Variants in PCDH11X observed in about 807,000 individuals in gnomAD.
PCDH11X encodes protocadherin-11 X-linked.
Under a neutral mutation model 53.3 loss-of-function variants are expected in PCDH11X, and 18 were observed. The observed-to-expected ratio is 0.34, with a 90% CI of 0.23 to 0.50. The LOEUF (loss-of-function observed/expected upper bound fraction) is 0.50. Among genes scored for constraint, PCDH11X ranks in the 20% least tolerant of loss-of-function variants. The pLI is 0.98. For missense variants in PCDH11X, 570 were observed against 1,032.4 expected (o/e 0.55, Z 6.14); for synonymous variants, 279 against 393.3 (o/e 0.71, Z 3.44).
intron 8 of PCDH11X, among the ~76,000 whole-genome samples, chrX:92,278,479 G>C (rs1229310842): frequency 9.0e-6 from 1 of 111,276 alleles, no homozygotes; most frequent in Non-Finnish European, 1.9e-5. Flanking sequence ...AAGGGAGATA[G>C]GGATGGGGCC....
chrX:92,205,175 G>A (rs890354978), intron 7 of PCDH11X, among the ~76,000 whole-genome samples: 2 of 111,963 alleles, frequency 1.8e-5, no homozygotes, highest in African/African-American at 6.5e-5. Context: ...GCAGTTGGAA[G>A]CAAAATGGGG....
At chrX:92,212,280 G>A (rs2066605293) in intron 7 of PCDH11X, among the ~76,000 whole-genome samples, 1 of 110,835 alleles carries the variant, frequency 9.0e-6, no homozygotes, top group Non-Finnish European at 1.9e-5. Context: ...CCAAAGTGCT[G>A]GGATTACAGA....
At chrX:91,783,256 C>T (rs1935222471) in intron 1 of PCDH11X, among the ~76,000 whole-genome samples, 1 of 111,084 alleles carries the variant, frequency 9.0e-6, no homozygotes, top group African/African-American at 3.3e-5. Flanking sequence ...AAACTCCGAC[C>T]AAGCATAAAA....
chrX:92,351,477 T>C (rs1011185696), intron 8 of PCDH11X, among the ~76,000 whole-genome samples: 11 of 111,606 alleles, frequency 9.9e-5, no homozygotes, highest in Non-Finnish European at 1.5e-4. Context: ...ATATTTACAT[T>C]GAATAATTTT....
intron 7 of PCDH11X, among the ~76,000 whole-genome samples, chrX:92,210,412 TG>T (rs1314569576): frequency 9.3e-6 from 1 of 107,809 alleles, no homozygotes; most frequent in African/African-American, 3.4e-5. Flanking sequence ...CTAATTTTTT[TG>T]TATTTTTAAT....
intron 7 of PCDH11X, among the ~76,000 whole-genome samples, chrX:92,219,297 T>C (rs377477782): frequency 1.8e-5 from 2 of 110,326 alleles, no homozygotes; most frequent in South Asian, 3.9e-4. Flanking sequence ...TCTAGAAAAC[T>C]CCATTGTCTC....
At chrX:92,429,881 G>T (rs1479658938) in intron 9 of PCDH11X, among the ~76,000 whole-genome samples, 2 of 102,205 alleles carry the variant, frequency 2.0e-5, no homozygotes. Context: ...CTAGTATGTT[G>T]TTAAACAACA....
chrX:91,893,470 G>T (rs1429605540), intron 6 of PCDH11X, among the ~76,000 whole-genome samples: 1 of 108,051 alleles, frequency 9.3e-6, no homozygotes, highest in African/African-American at 3.3e-5. Context: ...CTCAGTGTGT[G>T]ATTTCTTCAA....
intron 6 of PCDH11X, among the ~76,000 whole-genome samples, chrX:92,085,971 TA>T (rs1324980812): frequency 8.9e-6 from 1 of 111,936 alleles, no homozygotes; most frequent in Non-Finnish European, 1.9e-5. Context: ...AAAGACAATG[TA>T]AAATAGCTCA....
intron 6 of PCDH11X, among the ~76,000 whole-genome samples, chrX:92,195,286 T>C (rs1460327256): frequency 9.0e-6 from 1 of 110,975 alleles, no homozygotes; most frequent in Admixed American, 9.6e-5. Context: ...GAACACACAC[T>C]TGACTTGATG....
intron 6 of PCDH11X, among the ~76,000 whole-genome samples, chrX:92,167,848 C>T (rs1319479148): frequency 1.8e-5 from 2 of 111,388 alleles, no homozygotes; most frequent in Non-Finnish European, 3.8e-5. Context: ...TGTGTAAGTA[C>T]ACATCCTATG....
chrX:92,618,310 C>T lies in PCDH11X; in HGVS notation c.3414C>T (p.Asn1138=). Residue 1138 remains asparagine (N), a synonymous_variant, in exon 11 of 11, where the codon AAC becomes AAT. Transcript: ENST00000682573. ...VQPTVEEASD[N]CTQECLIYGH... ...CAACTGTGGAAGAGGCCTCTGACAA[C>T]TGCACTCAAGAATGTCTCATCTATG... The T allele has an allele frequency of 2.5e-6, 3 of 1,210,461 alleles. No individual in the cohort carries two copies. Among genetic ancestry groups the T allele is most frequent in the African/African-American group, 1.7e-5 (1 of 57,864 alleles).
intron 9 of PCDH11X, among the ~76,000 whole-genome samples, chrX:92,448,251 G>A (rs2072700094): frequency 9.1e-6 from 1 of 109,842 alleles, no homozygotes; most frequent in Admixed American, 9.8e-5. Context: ...TGAGATTTGG[G>A]ATGCACCAGG....
intron 10 of PCDH11X, among the ~76,000 whole-genome samples, chrX:92,543,720 G>A (rs180745010): frequency 2.2e-4 from 24 of 108,035 alleles, no homozygotes; most frequent in Non-Finnish European, 4.2e-4. Context: ...GGAGGTTGCA[G>A]TGAGCCGAGA....
chrX:91,925,801 T>C (rs1439658514), intron 6 of PCDH11X, among the ~76,000 whole-genome samples: 10 of 110,654 alleles, frequency 9.0e-5, no homozygotes, highest in Non-Finnish European at 1.7e-4. Flanking sequence ...TGCAATGATT[T>C]CAGGCAGTAC....
At chrX:92,074,869 T>C (rs1362259232) in intron 6 of PCDH11X, among the ~76,000 whole-genome samples, 1 of 111,754 alleles carries the variant, frequency 8.9e-6, no homozygotes, top group African/African-American at 3.2e-5. Flanking sequence ...TTTTTTGTTT[T>C]CCTTTCTTAA....
At chrX:91,860,958 C>T (rs776408037) in intron 5 of PCDH11X, among the ~76,000 whole-genome samples, 57 of 111,158 alleles carry the variant, frequency 5.1e-4, no homozygotes, top group African/African-American at 1.7e-3. Context: ...TGCATCTCTG[C>T]GAGGTTTTGG....
At chrX:91,807,543 T>C (rs1936160865) in intron 1 of PCDH11X, among the ~76,000 whole-genome samples, 1 of 110,492 alleles carries the variant, frequency 9.1e-6, no homozygotes, top group African/African-American at 3.3e-5. Flanking sequence ...CAACATTCTA[T>C]TGGGTGGCCA....
At chrX:92,365,530 C>T (rs1260006111) in intron 8 of PCDH11X, among the ~76,000 whole-genome samples, 1 of 110,504 alleles carries the variant, frequency 9.0e-6, no homozygotes, top group Non-Finnish European at 1.9e-5. Context: ...GTGTGAACCA[C>T]CACACCTGGC....
Sources: gnomAD v4.1 joint callset for allele counts (sites outside exome capture counted in the v4.1 genomes callset) on GRCh38, gnomAD v4.1.1 for gene constraint, MANE v1.5 for transcripts, NCBI Gene and HGNC (gene_info 2026-07-23, HGNC 2026-07-21) for gene names.